The following RBM18 variants were observed in gnomAD, a reference collection of about 807,000 sequenced individuals.
RBM18 encodes RNA binding motif protein 18, also known as probable RNA-binding protein 18.
Under a neutral mutation model 26.4 loss-of-function variants are expected in RBM18, and 18 were observed. That is an observed-to-expected ratio of 0.68 (90% confidence interval 0.47 to 1.01). The LOEUF (loss-of-function observed/expected upper bound fraction) is 1.01. Among genes scored for constraint, RBM18 ranks in the 50% least tolerant of loss-of-function variants. The pLI is 0.00. For missense variants in RBM18, 180 were observed against 219.2 expected (o/e 0.82, Z 1.13); for synonymous variants, 74 against 81.1 (o/e 0.91, Z 0.47).
At position 122,258,501 on chromosome 9, in the gene RBM18, TTGTGA is replaced by T. The variant is rs544107456; in HGVS notation, c.113+2874_113+2878del. 6.7e-4 allele frequency among the ~76,000 whole-genome samples: 102 copies of T among 152,282 alleles called. No individual in the cohort carries two copies. In the East Asian group the frequency reaches 0.015, roughly 22 times the overall value. On this transcript the variant is annotated intron_variant, in intron 2 of 5. Transcript: ENST00000417201. ...CTAGGATGGTCTCGATTTCCTAACC[TTGTGA>T]TTCACCCGCCTCGGCCTCCCAAAGT...
In RBM18 at chr9:122,247,386, T is replaced by C. The variant is rs970427761; in HGVS notation, c.327+132A>G. ...AAAATCGGGCAACACACATGGTAGA[T>C]ACAAGTAGGAGACTGAAGTATGGCT... On this transcript the variant is annotated intron_variant, in intron 4 of 5. Transcript: ENST00000417201. 15 of 732,482 alleles carry C rather than the reference T, an allele frequency of 2.0e-5. No homozygotes were observed. The African/African-American group carries it at 2.4e-4, about 12-fold the overall frequency. 45.4% of individuals were successfully genotyped at this position (732,482 alleles called of 1,614,324 possible). A position where few individuals can be genotyped will look rare whatever the true frequency, so the allele number is the denominator to read the frequency against.
chr9:122,243,217 C>T (rs1831452304), intron 5 of RBM18, among the ~76,000 whole-genome samples: 1 of 152,126 alleles, frequency 6.6e-6, no homozygotes, highest in Admixed American at 6.6e-5. Context: ...AGTAATCCTC[C>T]TGCCTCAGCC....
intron 2 of RBM18, among the ~76,000 whole-genome samples, chr9:122,253,721 A>T (rs1353308798): frequency 8.0e-6 from 1 of 125,700 alleles, no homozygotes; most frequent in Non-Finnish European, 1.8e-5. Context: ...ACCTATTCTT[A>T]AAAAAAAAAA....
At chr9:122,247,449 G>A (rs1476495960) in intron 4 of RBM18, 69 bp downstream of exon 4, 5 of 1,338,742 alleles carry the variant, frequency 3.7e-6, no homozygotes, top group Non-Finnish European at 4.3e-6. Flanking sequence ...AAACGGGTAA[G>A]TGGACAACCA....
chr9:122,253,305 T>G (rs1831635696), intron 2 of RBM18, among the ~76,000 whole-genome samples: 1 of 152,152 alleles, frequency 6.6e-6, no homozygotes, highest in Non-Finnish European at 1.5e-5. Flanking sequence ...AAGTCCAATA[T>G]CCTGGATCAA....
chr9:122,242,192 A>C (rs1462157351), intron 5 of RBM18, 149 bp from the exon 6 acceptor site: 2 of 775,404 alleles, frequency 2.6e-6, no homozygotes, highest in African/African-American at 3.5e-5. Flanking sequence ...AAAAGCCAGA[A>C]ATAACTAATT....
Position 122,240,142 on chromosome 9 carries a change from C to T in RBM18, c.*1742G>A, listed in dbSNP as rs1292396440. ...TATAATTCTAAGTTTTTTCTAAGTT[C>T]CTATTAAAAATAGAAGACTATTTTG... On this transcript the variant is annotated 3_prime_UTR_variant, in exon 6 of 6. Transcript: ENST00000417201. 1 of 152,120 alleles carries T rather than the reference C, an allele frequency of 6.6e-6. No homozygotes were observed. The highest frequency in any genetic ancestry group is 1.5e-5 in the Non-Finnish European group (1 of 68,018). The allele number at this position is 152,120 out of a possible 1,614,324, so 9.4% of individuals were successfully genotyped here.
rs1009854629 is a variant in RBM18, at chr9:122,238,358, G to A, written c.*3526C>T. The stretch of plus-strand genomic sequence containing the variant: ...AAATTTAGATATAATGTTGGTTAGC[G>A]GTAAGTGCTTTTGAGAAAATCGTGA... On this transcript the variant is annotated 3_prime_UTR_variant, in exon 6 of 6. Coordinates refer to ENST00000417201, the MANE Select transcript of RBM18 (RefSeq NM_033117.4). 6.6e-6 allele frequency: 1 copy of A among 152,222 alleles called. No individual in the cohort carries two copies. Among genetic ancestry groups the A allele is most frequent in the Non-Finnish European group, 1.5e-5 (1 of 68,046 alleles). 9.4% of individuals were successfully genotyped at this position (152,222 alleles called of 1,614,324 possible).
At chr9:122,263,612 A>T (rs921071633) in intron 1 of RBM18, among the ~76,000 whole-genome samples, 3 of 152,258 alleles carry the variant, frequency 2.0e-5, no homozygotes, top group Non-Finnish European at 4.4e-5. Context: ...TAAAGAAGAT[A>T]TAATTAGTGA....
At chr9:122,243,826 C>T (rs925913415) in intron 5 of RBM18, 2 of 985,130 alleles carry the variant, frequency 2.0e-6, no homozygotes, top group Non-Finnish European at 2.4e-6. Context: ...AACCTTCTCT[C>T]ATTAGGCATA....
At position 122,240,356 on chromosome 9, in the gene RBM18, G is replaced by A. The variant is rs545347801; in HGVS notation, c.*1528C>T. On this transcript the variant is annotated 3_prime_UTR_variant, in exon 6 of 6. Transcript: ENST00000417201. Reference sequence around the variant, plus strand: ...CTAATACATACAGAAAGTATTTGATGTCTAGAGATATTTAAAAAGATTAAC... The same window carrying A: ...CTAATACATACAGAAAGTATTTGATATCTAGAGATATTTAAAAAGATTAAC... The A allele has an allele frequency of 2.6e-5, 4 of 152,300 alleles. No individual in the cohort carries two copies. In the East Asian group the frequency reaches 7.7e-4, roughly 29 times the overall value. 9.4% of individuals were successfully genotyped at this position (152,300 alleles called of 1,614,324 possible).
intron 2 of RBM18, among the ~76,000 whole-genome samples, chr9:122,253,494 G>A (rs1346745255): frequency 6.6e-6 from 1 of 152,110 alleles, no homozygotes; most frequent in East Asian, 1.9e-4. Context: ...TAGAGAGAAT[G>A]TAGGAAGTGA....
Position 122,241,552 on chromosome 9 carries a change from G to T in RBM18, c.*332C>A. 5.3e-6 allele frequency: 1 copy of T among 187,026 alleles called. No individual in the cohort carries two copies. Among genetic ancestry groups the T allele is most frequent in the African/African-American group, 2.3e-5 (1 of 42,994 alleles). The allele number at this position is 187,026 out of a possible 1,614,324, so 11.6% of individuals were successfully genotyped here. On this transcript the variant is annotated 3_prime_UTR_variant, in exon 6 of 6. Coordinates refer to ENST00000417201, the MANE Select transcript of RBM18 (RefSeq NM_033117.4). ...TAGATGTTAATATTTTTAGTTTCCT[G>T]ATTTAAATAATATTTTGTGTATTTG...
At chr9:122,257,235 G>A (rs916227690) in intron 2 of RBM18, among the ~76,000 whole-genome samples, 2 of 151,502 alleles carry the variant, frequency 1.3e-5, no homozygotes, top group Admixed American at 6.6e-5. Flanking sequence ...TCCGCCTCCC[G>A]GGTTCACGCC....
intron 2 of RBM18, among the ~76,000 whole-genome samples, chr9:122,259,210 G>A (rs141521229): frequency 6.7e-4 from 102 of 152,194 alleles, no homozygotes; most frequent in East Asian, 4.3e-3. Context: ...GAACCTTCCC[G>A]TCAAGCAGCA....
chr9:122,247,156 A>G (rs1588379563), intron 4 of RBM18, among the ~76,000 whole-genome samples: 1 of 152,290 alleles, frequency 6.6e-6, no homozygotes, highest in African/African-American at 2.4e-5. Flanking sequence ...CCACAGAGTC[A>G]AAGGCTGGGA....
intron 2 of RBM18, among the ~76,000 whole-genome samples, chr9:122,258,163 A>G (rs1831728321): frequency 6.6e-6 from 1 of 152,250 alleles, no homozygotes; most frequent in Non-Finnish European, 1.5e-5. Context: ...CTACAAGATA[A>G]GATTTACTTT....
chr9:122,250,259 T>C (rs1299425505), intron 3 of RBM18, among the ~76,000 whole-genome samples: 2 of 152,154 alleles, frequency 1.3e-5, no homozygotes, highest in African/African-American at 4.8e-5. Context: ...CATACTGATA[T>C]ATCATTTCTT....
At chr9:122,262,677 G>A (rs943801945) in intron 1 of RBM18, among the ~76,000 whole-genome samples, 1 of 152,002 alleles carries the variant, frequency 6.6e-6, no homozygotes, top group Admixed American at 6.5e-5. Context: ...TCCACTTCCC[G>A]GGTTCAAGCA....
Sources: allele counts gnomAD v4.1 joint callset (sites outside exome capture counted in the v4.1 genomes callset), GRCh38; gene constraint gnomAD v4.1.1; transcripts MANE v1.5; gene names NCBI Gene and HGNC (gene_info 2026-07-23, HGNC 2026-07-21).